CAST: variants seen among roughly 807,000 people sequenced by gnomAD.
CAST encodes calpastatin.
A neutral mutation model predicts 119.6 loss-of-function variants in CAST; 76 were observed. The ratio of observed to expected loss-of-function variants is 0.64; its 90% CI spans 0.53 to 0.77. The LOEUF (loss-of-function observed/expected upper bound fraction) is 0.77. Among genes scored for constraint, CAST ranks in the 30% least tolerant of loss-of-function variants. The pLI is 0.00. For synonymous variants in CAST, 319 were observed against 331.6 expected (o/e 0.96, Z 0.41); for missense variants, 953 against 946.5 (o/e 1.01, Z -0.09).
chr5:96,664,003 C>G (rs927183458), intron 1 of CAST, among the ~76,000 whole-genome samples: 1 of 150,578 alleles, frequency 6.6e-6, no homozygotes, highest in Non-Finnish European at 1.5e-5. Flanking sequence ...ATGTTTATGT[C>G]TCATTGATTT....
the CAST span, chr5:96,399,007 A>T: frequency 2.5e-6 from 4 of 1,612,664 alleles, no homozygotes; most frequent in Admixed American, 1.7e-5. Context: ...TGGAATTTCA[A>T]TGATAACTTC....
At chr5:96,707,631 C>T (rs115347461) in intron 3 of CAST, among the ~76,000 whole-genome samples, 289 of 152,232 alleles carry the variant, frequency 1.9e-3, no homozygotes, top group African/African-American at 6.7e-3. Flanking sequence ...ATGATCCAAT[C>T]GACCTTCACA....
At chr5:96,314,331 T>G in the CAST span, among the ~76,000 whole-genome samples, 1 of 152,350 alleles carries the variant, frequency 6.6e-6, no homozygotes, top group East Asian at 1.9e-4. Context: ...TCTTTCCTGT[T>G]GCCTTTATTT....
chr5:96,432,418 T>C, the CAST span, among the ~76,000 whole-genome samples: 1 of 152,200 alleles, frequency 6.6e-6, no homozygotes, highest in Non-Finnish European at 1.5e-5. Context: ...GACTTGGATC[T>C]GATGCTGCCA....
At chr5:95,974,636 G>C in the CAST span, among the ~76,000 whole-genome samples, 1 of 152,164 alleles carries the variant, frequency 6.6e-6, no homozygotes, top group African/African-American at 2.4e-5. Flanking sequence ...AAGTGCTTGA[G>C]GGGATAGCTT....
chr5:96,175,767 G>A, the CAST span, among the ~76,000 whole-genome samples: 71 of 152,336 alleles, frequency 4.7e-4, no homozygotes, highest in South Asian at 1.4e-3. Context: ...TCCACTCAGT[G>A]AGATAGAGCA....
chr5:96,774,334 A>G lies in CAST; in HGVS notation c.*1718A>G, dbSNP rs1308350291. The G allele has an allele frequency of 4.6e-6, 1 of 217,590 alleles. No individual in the cohort carries two copies. The highest frequency in any genetic ancestry group is 7.9e-6 in the Non-Finnish European group (1 of 126,180). 13.5% of individuals were successfully genotyped at this position (217,590 alleles called of 1,614,324 possible). On this transcript the variant is annotated 3_prime_UTR_variant, in exon 32 of 32. Coordinates refer to ENST00000675179, the MANE Select transcript of CAST (RefSeq NM_001750.7). ...TAAAAGTAAACAACATTTATTTAAA[A>G]AGAACTCTGAATATGCCTTCTTTTT...
At chr5:96,539,552 G>C (rs957842088) in intron 1 of CAST, among the ~76,000 whole-genome samples, 1 of 151,846 alleles carries the variant, frequency 6.6e-6, no homozygotes, top group African/African-American at 2.4e-5. Flanking sequence ...GTCTTGTAAA[G>C]TTCTATAGGT....
At chr5:96,747,179 CT>C (rs910438858) in intron 17 of CAST, among the ~76,000 whole-genome samples, 165 bp from the exon 18 acceptor site, 1 of 152,180 alleles carries the variant, frequency 6.6e-6, no homozygotes, top group South Asian at 2.1e-4. Flanking sequence ...AGCTCAACTC[CT>C]TTTTTTATAC....
chr5:96,452,477 C>T, the CAST span, among the ~76,000 whole-genome samples: 15 of 152,010 alleles, frequency 9.9e-5, no homozygotes, highest in Admixed American at 5.9e-4. Flanking sequence ...GAACATCACA[C>T]GCTGGGGCCT....
At chr5:96,465,802 C>T in the CAST span, among the ~76,000 whole-genome samples, 1 of 152,114 alleles carries the variant, frequency 6.6e-6, no homozygotes, top group East Asian at 1.9e-4. Context: ...AGATCTGGAA[C>T]TAAGTTGCTC....
At chr5:96,614,587 GGGGAAC>G (rs1747420393) in intron 1 of CAST, among the ~76,000 whole-genome samples, 1 of 152,122 alleles carries the variant, frequency 6.6e-6, no homozygotes, top group South Asian at 2.1e-4. Flanking sequence ...CATTCACTGT[GGGGAAC>G]GGGAAGCTAT....
chr5:96,449,296 T>C, the CAST span, among the ~76,000 whole-genome samples: 7 of 152,206 alleles, frequency 4.6e-5, no homozygotes, highest in Non-Finnish European at 8.8e-5. Flanking sequence ...CCGTGACCTG[T>C]TAGGAACCAG....
the CAST span, among the ~76,000 whole-genome samples, chr5:96,296,595 C>G: frequency 6.6e-6 from 1 of 152,012 alleles, no homozygotes; most frequent in African/African-American, 2.4e-5. Context: ...TGCAAAACAA[C>G]CTGAAGAGTG....
At chr5:96,713,470 A>G (rs1312856053) in intron 3 of CAST, among the ~76,000 whole-genome samples, 1 of 151,990 alleles carries the variant, frequency 6.6e-6, no homozygotes, top group Non-Finnish European at 1.5e-5. Context: ...ATCATCAATA[A>G]CCATATATGC....
At chr5:96,733,464 A>T (rs983230101) in intron 9 of CAST, among the ~76,000 whole-genome samples, 1 of 152,258 alleles carries the variant, frequency 6.6e-6, no homozygotes, top group African/African-American at 2.4e-5. Flanking sequence ...AACCAGTGTT[A>T]TAAGTGAAAA....
the CAST span, among the ~76,000 whole-genome samples, chr5:96,408,913 A>G: frequency 6.6e-6 from 1 of 152,224 alleles, no homozygotes; most frequent in African/African-American, 2.4e-5. Context: ...GGGTCTTTAA[A>G]ATGGAAAGTG....
chr5:96,288,374 G>A, the CAST span, among the ~76,000 whole-genome samples: 15 of 152,012 alleles, frequency 9.9e-5, no homozygotes, highest in South Asian at 4.2e-4. Context: ...CAGAAATACC[G>A]AAAAGAAGTC....
chr5:96,124,025 A>C, the CAST span, among the ~76,000 whole-genome samples: 2 of 152,262 alleles, frequency 1.3e-5, no homozygotes, highest in Admixed American at 1.3e-4. Flanking sequence ...GTCAATATTT[A>C]ATTGACTGAT....
Sources: gnomAD v4.1 joint callset for allele counts (sites outside exome capture counted in the v4.1 genomes callset) on GRCh38, gnomAD v4.1.1 for gene constraint, MANE v1.5 for transcripts, NCBI Gene and HGNC (gene_info 2026-07-23, HGNC 2026-07-21) for gene names.